ANK2: variants seen among roughly 807,000 people sequenced by gnomAD.
ANK2 encodes the protein ankyrin 2, also known as ankyrin-2.
Under a neutral mutation model 360.5 loss-of-function variants are expected in ANK2, and 83 were observed. The observed-to-expected ratio is 0.23, with a 90% CI of 0.19 to 0.28. The LOEUF (loss-of-function observed/expected upper bound fraction) is 0.28. Ranked by LOEUF, ANK2 falls within the 10% of genes least tolerant of loss-of-function variation. The probability of loss-of-function intolerance (pLI) is 1.00; values close to 1 mark genes in which losing one functional copy is unlikely to be tolerated. For missense variants in ANK2, 4,201 were observed against 4,795.7 expected (o/e 0.88, Z 3.66); for synonymous variants, 1,740 against 1,759.5 (o/e 0.99, Z 0.28).
At chr4:112,876,301 G>A (rs1333741294) in intron 1 of ANK2, among the ~76,000 whole-genome samples, 1 of 152,116 alleles carries the variant, frequency 6.6e-6, no homozygotes, top group Non-Finnish European at 1.5e-5. Context: ...ACTTTAAAAT[G>A]TTAATTTAAA....
At chr4:112,859,484 A>G (rs951696081) in intron 1 of ANK2, among the ~76,000 whole-genome samples, 18 of 152,192 alleles carry the variant, frequency 1.2e-4, no homozygotes, top group Admixed American at 9.8e-4. Context: ...TTACTGATCT[A>G]CCTGGTCTCT....
the ANK2 span, among the ~76,000 whole-genome samples, chr4:112,727,840 C>T: frequency 6.6e-6 from 1 of 152,000 alleles, no homozygotes; most frequent in Non-Finnish European, 1.5e-5. Flanking sequence ...ATTAGCTGGG[C>T]GTAGTGGGGC....
At position 113,278,079 on chromosome 4, in the gene ANK2, C is replaced by T. The variant is rs1052736189; in HGVS notation, c.1782+144C>T. On this transcript the variant is annotated intron_variant, in intron 16 of 45. Coordinates refer to ENST00000357077, the MANE Select transcript of ANK2 (RefSeq NM_001148.6). ...CAAATAGACATGGTGGCGATGTCTTCCATGACCGTCCAGGTACATACACAC... is the reference window on the plus strand; with the variant it reads ...CAAATAGACATGGTGGCGATGTCTTTCATGACCGTCCAGGTACATACACAC... 43 of 824,948 alleles carry T rather than the reference C, an allele frequency of 5.2e-5. No individual in the cohort carries two copies. The African/African-American group carries it at 6.4e-4, about 12-fold the overall frequency. The allele number at this position is 824,948 out of a possible 1,614,324, so 51.1% of individuals were successfully genotyped here. A position where few individuals can be genotyped will look rare whatever the true frequency, so the allele number is the denominator to read the frequency against.
chr4:113,360,202 C>G (rs1006225721), intron 38 of ANK2, among the ~76,000 whole-genome samples: 1 of 152,110 alleles, frequency 6.6e-6, no homozygotes, highest in African/African-American at 2.4e-5. Flanking sequence ...AGCTTAATAG[C>G]AAGAAGGCAG....
intron 24 of ANK2, among the ~76,000 whole-genome samples, chr4:113,311,960 G>T (rs2080211670): frequency 1.3e-5 from 2 of 152,148 alleles, no homozygotes; most frequent in Admixed American, 1.3e-4. Flanking sequence ...ATCTGAGGGA[G>T]CCCAGTGTTA....
At chr4:112,997,868 C>T (rs1274182278) in intron 2 of ANK2, among the ~76,000 whole-genome samples, 1 of 149,962 alleles carries the variant, frequency 6.7e-6, no homozygotes, top group African/African-American at 2.4e-5. Flanking sequence ...CATATATATA[C>T]ACACACACAC....
chr4:113,197,221 G>T (rs926208177), intron 3 of ANK2, among the ~76,000 whole-genome samples: 1 of 152,160 alleles, frequency 6.6e-6, no homozygotes, highest in African/African-American at 2.4e-5. Context: ...GGATTGAATT[G>T]TTAGGGCAAT....
intron 26 of ANK2, among the ~76,000 whole-genome samples, chr4:113,321,287 A>G (rs1262264496): frequency 7.4e-6 from 1 of 135,040 alleles, no homozygotes; most frequent in Non-Finnish European, 1.5e-5. Flanking sequence ...GTATTTGTAC[A>G]ATCCCCATAT....
rs755427197 is a variant in ANK2 at position 113,225,213 on chromosome 4, C to A, written c.385-6948C>A. ...GTGTGCATGGGCCATAATATACCTT[C>A]TTCACGGAGTTAATTGCTCAGTCTT... On this transcript the variant is annotated intron_variant, in intron 4 of 45. Transcript: ENST00000357077. Among the ~76,000 whole-genome samples, 45 of 152,298 alleles carry A rather than the reference C, an allele frequency of 3.0e-4. 1 individual carries two copies. The highest frequency in any genetic ancestry group is 3.4e-3 in the Middle Eastern group (1 of 294).
At chr4:112,832,070 A>G (rs1204119994) in intron 1 of ANK2, among the ~76,000 whole-genome samples, 1 of 152,220 alleles carries the variant, frequency 6.6e-6, no homozygotes. Context: ...AATTCCGGAC[A>G]CAAGATGGTC....
chr4:113,282,867 A>G lies in ANK2; in HGVS notation c.2074A>G (p.Thr692Ala), dbSNP rs761413864. Reference sequence around the variant, plus strand: ...TAAGGGAGCCAATATCCACATGTCAACTAAGGTATTCTGTCCTTTCTTGCA... The same window carrying G: ...TAAGGGAGCCAATATCCACATGTCAGCTAAGGTATTCTGTCCTTTCTTGCA... ...LDKGANIHMS[T>A]KSGLTSLHLA... The change falls in exon 18 of 46, where the codon ACT becomes GCT. Residue 692 changes from threonine to alanine, a missense_variant. By Grantham distance (58) the Thr-to-Ala change is moderately conservative. Coordinates refer to ENST00000357077, the MANE Select transcript of ANK2 (RefSeq NM_001148.6). 12 of 1,613,836 alleles carry G rather than the reference A, an allele frequency of 7.4e-6. No individual in the cohort carries two copies. Among genetic ancestry groups the G allele is most frequent in the Middle Eastern group, 1.6e-4 (1 of 6,078 alleles).
intron 1 of ANK2, among the ~76,000 whole-genome samples, chr4:113,172,549 A>C (rs1225223926): frequency 6.6e-6 from 1 of 152,152 alleles, no homozygotes; most frequent in Non-Finnish European, 1.5e-5. Flanking sequence ...TTTGTGATAT[A>C]ATACATGTGA....
At position 113,007,775 on chromosome 4, in the gene ANK2, G is replaced by A. The variant is rs565926246; in HGVS notation, c.21+103261G>A. On this transcript the variant is annotated intron_variant, in intron 2 of 30. Transcript: ENST00000503271. ...ACAGGCATAACTAAAATTAAAACAC[G>A]TATTAGCCTTCTCACTACTTGCACT... is the stretch of plus-strand genomic sequence containing the variant. Among the ~76,000 whole-genome samples, 8 of 152,214 alleles carry A rather than the reference G, an allele frequency of 5.3e-5. No homozygotes were observed. The East Asian group carries it at 7.7e-4, about 15-fold the overall frequency.
chr4:112,865,010 C>A (rs1469075090), intron 1 of ANK2, among the ~76,000 whole-genome samples: 5 of 116,076 alleles, frequency 4.3e-5, no homozygotes, highest in Admixed American at 2.4e-4. Flanking sequence ...CCAGCCTGGG[C>A]GACAGAGCGA....
chr4:113,226,873 C>T (rs1469273361), intron 4 of ANK2, among the ~76,000 whole-genome samples: 1 of 152,140 alleles, frequency 6.6e-6, no homozygotes, highest in Non-Finnish European at 1.5e-5. Context: ...TTTCACCCAC[C>T]CAGTATCAGC....
At chr4:112,731,748 T>C in the ANK2 span, among the ~76,000 whole-genome samples, 1 of 150,734 alleles carries the variant, frequency 6.6e-6, no homozygotes, top group Non-Finnish European at 1.5e-5. Flanking sequence ...AAAAAAAAAG[T>C]ACATATAGTA....
At chr4:112,790,230 A>G in the ANK2 span, among the ~76,000 whole-genome samples, 2 of 152,254 alleles carry the variant, frequency 1.3e-5, no homozygotes, top group Non-Finnish European at 2.9e-5. Context: ...GAAAGGTGAT[A>G]AAATATTAAA....
At chr4:113,198,897 A>G (rs1215494541) in intron 3 of ANK2, 114 bp from the exon 4 acceptor site, 4 of 907,610 alleles carry the variant, frequency 4.4e-6, no homozygotes, top group South Asian at 2.9e-5. Flanking sequence ...ATCTTGATAA[A>G]TAACAAATTT....
At chr4:113,220,504 T>C (rs904412165) in intron 4 of ANK2, among the ~76,000 whole-genome samples, 1 of 152,238 alleles carries the variant, frequency 6.6e-6, no homozygotes, top group Non-Finnish European at 1.5e-5. Flanking sequence ...AAAAAATTTA[T>C]TTGTTTTCTT....
Sources: allele counts gnomAD v4.1 joint callset (sites outside exome capture counted in the v4.1 genomes callset), GRCh38; gene constraint gnomAD v4.1.1; transcripts MANE v1.5; gene names NCBI Gene and HGNC (gene_info 2026-07-23, HGNC 2026-07-21).